Variants in ADCY9 observed in about 807,000 individuals in gnomAD.
The protein encoded by ADCY9 is adenylate cyclase type 9.
ADCY9 carries 50 observed loss-of-function variants against 101.5 expected under a neutral mutation model. The ratio of observed to expected loss-of-function variants is 0.49; its 90% confidence interval spans 0.39 to 0.62. The LOEUF (loss-of-function observed/expected upper bound fraction) is 0.62. ADCY9 is among the 20% of genes least tolerant of loss of function. The pLI is 0.00. For missense variants in ADCY9, 1,662 were observed against 1,800.4 expected, an observed-to-expected ratio of 0.92 and a Z score of 1.39; for synonymous variants, 905 against 769.3, an observed-to-expected ratio of 1.18 and a Z score of -2.92.
chr16:4,071,864 G>A (rs1294277455), intron 2 of ADCY9, among the ~76,000 whole-genome samples: 3 of 152,124 alleles, frequency 2.0e-5, no homozygotes, highest in Non-Finnish European at 4.4e-5. Context: ...AGGCGGGAGT[G>A]CGGTGGTGCG....
chr16:3,998,909 G>A (rs1431706399), intron 3 of ADCY9, among the ~76,000 whole-genome samples: 2 of 151,908 alleles, frequency 1.3e-5, no homozygotes, highest in African/African-American at 4.8e-5. Flanking sequence ...CCATGCAATG[G>A]TGGGTGGGTT....
In ADCY9 at chr16:4,019,415, G is replaced by C. The variant is rs972512824; in HGVS notation, c.1694-11857C>G. ...TGCACACCATGCAACTGTCATTTAT[G>C]CCTTAAGAAAATCCCATTGAAGTTG... On this transcript the variant is annotated intron_variant, in intron 2 of 10. Transcript: ENST00000294016. 2.0e-5 allele frequency among the ~76,000 whole-genome samples: 3 copies of C among 152,214 alleles called. No individual in the cohort carries two copies. In the East Asian group the frequency reaches 5.8e-4, roughly 29 times the overall value.
intron 2 of ADCY9, among the ~76,000 whole-genome samples, chr16:4,110,428 GC>G (rs1438561118): frequency 7.8e-6 from 1 of 129,022 alleles, no homozygotes; most frequent in Non-Finnish European, 1.5e-5. Context: ...CTAGGCTGTC[GC>G]CCAGGCTGGA....
Position 4,114,745 on chromosome 16 carries a change from A to T in ADCY9, c.698T>A (p.Leu233Ter). 1.2e-6 allele frequency: 2 copies of T among 1,613,180 alleles called. No individual in the cohort carries two copies. The highest frequency in any genetic ancestry group is 1.7e-6 in the Non-Finnish European group (2 of 1,180,034). The change falls in exon 2 of 11, where the codon TTG becomes TAG. Residue 233 changes from leucine (L) to a stop codon, truncating the protein, a stop_gained. Coordinates refer to ENST00000294016, the MANE Select transcript of ADCY9 (RefSeq NM_001116.4). LOFTEE classifies it high-confidence loss of function. This position sits in a 1 kb window ranked among gnomAD's most constrained non-coding sequence, Gnocchi z 4.3. ...AGGTAAGTGCATGACGGTATAGAGCAAAAAGAGCACTTCGATGCACATGGA... is the reference window on the plus strand; with the variant it reads ...AGGTAAGTGCATGACGGTATAGAGCTAAAAGAGCACTTCGATGCACATGGA... ...SFSMCIEVLFLLYTVMHLPLY... is the reference protein window; with the variant it reads ...SFSMCIEVLF
chr16:3,980,598 C>T (rs539627865), intron 7 of ADCY9, among the ~76,000 whole-genome samples: 1 of 152,354 alleles, frequency 6.6e-6, no homozygotes, highest in East Asian at 1.9e-4. Context: ...CCATGCCTCT[C>T]CCTCTTGGCT....
intron 2 of ADCY9, among the ~76,000 whole-genome samples, chr16:4,014,254 G>T (rs1011539946): frequency 6.6e-6 from 1 of 151,204 alleles, no homozygotes; most frequent in South Asian, 2.1e-4. Flanking sequence ...AGGAGGCGGA[G>T]GTTGCAGTCA....
chr16:4,111,440 T>C (rs1020058482), intron 2 of ADCY9, among the ~76,000 whole-genome samples: 2 of 152,176 alleles, frequency 1.3e-5, no homozygotes, highest in African/African-American at 4.8e-5. Context: ...AGAAAACATC[T>C]GCCACCAGCC....
chr16:4,086,305 G>C (rs749262652), intron 2 of ADCY9, among the ~76,000 whole-genome samples: 12 of 152,134 alleles, frequency 7.9e-5, no homozygotes, highest in Admixed American at 4.6e-4. Context: ...TTGCAAGCAA[G>C]TGGAGAATCA....
Position 3,977,614 on chromosome 16 carries a change from C to T in ADCY9, c.2696G>A (p.Gly899Asp), listed in dbSNP as rs1359591767. The T allele has an allele frequency of 6.2e-7, 1 of 1,612,970 alleles. No homozygotes were observed. The highest frequency in any genetic ancestry group is 8.5e-7 in the Non-Finnish European group (1 of 1,179,812). The change falls in exon 9 of 11, where the codon GGC becomes GAC. Residue 899 changes from glycine (G) to aspartate (D), a missense_variant. Physicochemically the swap from Gly to Asp is moderately conservative, Grantham distance 94. Around this residue, in one of 5 missense-constraint regions of ADCY9, gnomAD observed 624 missense variants for 639.1 expected, o/e 0.98. Transcript: ENST00000294016. Reference protein sequence around the residue: ...ETNIHFPVFTGSAALIAVVHY... With the variant: ...ETNIHFPVFTDSAALIAVVHY... ...CACGACGGCAATCAGCGCGGCCGAG[C>T]CTGTGAACACTGGGAACTGCAAGAG...
At chr16:3,957,343 A>G (rs80248440) in intron 5 of ADCY9, among the ~76,000 whole-genome samples, 23 of 152,236 alleles carry the variant, frequency 1.5e-4, no homozygotes, top group Non-Finnish European at 2.5e-4. Flanking sequence ...GCATAGCATA[A>G]CAGCAGACTA....
intron 7 of ADCY9, among the ~76,000 whole-genome samples, chr16:3,980,981 C>T (rs1026184587): frequency 5.3e-5 from 8 of 152,186 alleles, no homozygotes; most frequent in South Asian, 2.1e-4. Context: ...ACTGAGGAGG[C>T]GCCTGGCTTT....
downstream of ADCY9, among the ~76,000 whole-genome samples, chr16:3,959,320 C>G (rs1274057845): frequency 6.7e-6 from 1 of 150,296 alleles, no homozygotes; most frequent in Admixed American, 6.7e-5. Flanking sequence ...TGTGATTGAG[C>G]CACTGCATTC....
At chr16:4,014,422 T>A (rs546648045) in intron 2 of ADCY9, among the ~76,000 whole-genome samples, 3 of 152,014 alleles carry the variant, frequency 2.0e-5, no homozygotes, top group Non-Finnish European at 4.4e-5. Context: ...CCTGTTTAAT[T>A]TGATCTTCTG....
Position 3,992,014 on chromosome 16 carries a change from T to G in ADCY9, c.2207+132A>C. 6.0e-6 allele frequency: 5 copies of G among 832,334 alleles called. No homozygotes were observed. Among genetic ancestry groups the G allele is most frequent in the Non-Finnish European group, 9.2e-6 (5 of 542,860 alleles). The allele number at this position is 832,334 out of a possible 1,614,324, so 51.6% of individuals were successfully genotyped here. A position where few individuals can be genotyped will look rare whatever the true frequency, so the allele number is the denominator to read the frequency against. ...TGAACCTGGGAGATAGAGGCTGCAG[T>G]GAGCCAAGATCGCGCCACTGCACTG... On this transcript the variant is annotated intron_variant, in intron 5 of 10. Coordinates refer to ENST00000294016, the MANE Select transcript of ADCY9 (RefSeq NM_001116.4). The surrounding 1 kb of genome is among the most constrained non-coding windows in gnomAD (Gnocchi z 4.2).
At position 4,033,372 on chromosome 16, in the gene ADCY9, G is replaced by A. The variant is rs1386580041; in HGVS notation, c.1694-25814C>T. 2.0e-5 allele frequency among the ~76,000 whole-genome samples: 3 copies of A among 151,798 alleles called. 1 individual carries two copies. The East Asian group carries it at 5.8e-4, about 29-fold the overall frequency. ...TATGCAAGATTCCCGATTCCAAATG[G>A]AGGCCAAATTCCATCCACACAGGAG... On this transcript the variant is annotated intron_variant, in intron 2 of 10. Coordinates refer to ENST00000294016, the MANE Select transcript of ADCY9 (RefSeq NM_001116.4).
At chr16:4,035,946 C>T (rs1447883711) in intron 2 of ADCY9, among the ~76,000 whole-genome samples, 2 of 137,070 alleles carry the variant, frequency 1.5e-5, no homozygotes, top group African/African-American at 2.8e-5. Context: ...TTGTGGTGAG[C>T]CCAAATCGTG....
intron 2 of ADCY9, among the ~76,000 whole-genome samples, chr16:4,093,662 C>G (rs894622586): frequency 1.3e-5 from 2 of 152,098 alleles, no homozygotes; most frequent in African/African-American, 2.4e-5. Flanking sequence ...GAGGCTGAAG[C>G]TGGAGAATAT....
At chr16:4,058,467 G>GAAA (rs112044690) in intron 2 of ADCY9, among the ~76,000 whole-genome samples, 2 of 94,858 alleles carry the variant, frequency 2.1e-5, no homozygotes, top group Non-Finnish European at 2.3e-5. Context: ...TTGTCTCCAA[G>GAAA]AAAAAAAAAA....
At chr16:4,075,963 T>C (rs1167262165) in intron 2 of ADCY9, among the ~76,000 whole-genome samples, 3 of 152,218 alleles carry the variant, frequency 2.0e-5, no homozygotes. Context: ...CGCTGTTATT[T>C]CTTTAAGTGA....
Sources: gnomAD v4.1 joint callset for allele counts (sites outside exome capture counted in the v4.1 genomes callset) on GRCh38, gnomAD v4.1.1 for gene constraint, gnomAD v4.1.1 regional missense constraint, Gnocchi (gnomAD v3.1) non-coding constraint, MANE v1.5 for transcripts, NCBI Gene and HGNC (gene_info 2026-07-23, HGNC 2026-07-21) for gene names.